CHD6: variants seen among roughly 807,000 people sequenced by gnomAD.
CHD6 encodes chromodomain helicase DNA binding protein 6, also known as ATP-dependent chromatin remodeler CHD6.
In CHD6, 50 loss-of-function variants were observed where a neutral mutation model predicts 276.9. The observed-to-expected ratio is 0.18, with a 90% CI of 0.14 to 0.23. The LOEUF is 0.23. Among genes scored for constraint, CHD6 ranks in the 10% least tolerant of loss-of-function variants. CHD6 has a pLI of 1.00. For missense variants in CHD6, 2,564 were observed against 3,365.8 expected, an observed-to-expected ratio of 0.76 and a Z score of 5.89; for synonymous variants, 1,173 against 1,229.3, an observed-to-expected ratio of 0.95 and a Z score of 0.96.
Position 41,455,913 on chromosome 20 carries a change from C to T in CHD6, c.2896G>A (p.Asp966Asn), listed in dbSNP as rs1445499453. The change falls in exon 19 of 37, where the codon GAT (aspartate) becomes AAT (asparagine). Residue 966 changes from aspartate (D) to asparagine (N), a missense_variant. This residue lies in a region of CHD6 where 457 missense variants were observed against 889.0 expected (regional missense o/e 0.51). Coordinates refer to ENST00000373233, the MANE Select transcript of CHD6 (RefSeq NM_032221.5). ...LRKGAYGALM[D>N]EEDEGSKFCE... ...AACTTGGAGCCTTCATCTTCTTCAT[C>T]CATTAAGGCTCCATAAGCACCTTTC... 6.2e-7 allele frequency: 1 copy of T among 1,611,750 alleles called. No homozygotes were observed. Among genetic ancestry groups the T allele is most frequent in the East Asian group, 2.2e-5 (1 of 44,822 alleles).
chr20:41,462,332 A>G (rs2042821291), intron 17 of CHD6, among the ~76,000 whole-genome samples: 1 of 152,246 alleles, frequency 6.6e-6, no homozygotes, highest in Non-Finnish European at 1.5e-5. Flanking sequence ...ACATTTTCAG[A>G]AAACCAATAC....
chr20:41,456,291 T>C (rs1376292814), intron 18 of CHD6, among the ~76,000 whole-genome samples: 1 of 152,026 alleles, frequency 6.6e-6, no homozygotes, highest in Non-Finnish European at 1.5e-5. Context: ...GATGGTACTT[T>C]TGACATCTTT....
rs1482329089 is a variant in CHD6 at position 41,493,447 on chromosome 20, C to T, written c.1314+91G>A. The T allele has an allele frequency of 2.3e-6, 3 of 1,319,056 alleles. No individual in the cohort carries two copies. In the African/African-American group the frequency reaches 4.4e-5, roughly 19 times the overall value. The allele number at this position is 1,319,056 out of a possible 1,614,324, so 81.7% of individuals were successfully genotyped here. On this transcript the variant is annotated intron_variant, in intron 10 of 36. Coordinates refer to ENST00000373233, the MANE Select transcript of CHD6 (RefSeq NM_032221.5). Reference sequence around the variant, plus strand: ...CAAAGGTAAAATACCACAGAAACCACCTAGGAACAAGCCAGGTGGACTTCC... The same window carrying T: ...CAAAGGTAAAATACCACAGAAACCATCTAGGAACAAGCCAGGTGGACTTCC...
At chr20:41,492,113 T>C (rs2043570277) in intron 10 of CHD6, among the ~76,000 whole-genome samples, 1 of 152,188 alleles carries the variant, frequency 6.6e-6, no homozygotes, top group African/African-American at 2.4e-5. Context: ...ATTAGCCTGG[T>C]GCTGTATTTA....
intron 8 of CHD6, among the ~76,000 whole-genome samples, chr20:41,496,537 C>G (rs1404561211): frequency 6.6e-6 from 1 of 152,124 alleles, no homozygotes; most frequent in Admixed American, 6.5e-5. Context: ...AAGCTCTATT[C>G]AAAACTAAGT....
At chr20:41,482,467 T>G (rs2043316772) in intron 16 of CHD6, 3 of 458,124 alleles carry the variant, frequency 6.5e-6, no homozygotes, top group Non-Finnish European at 1.3e-5. Flanking sequence ...GTACATGTAA[T>G]GTACAAGGGC....
At chr20:41,413,979 A>T (rs966644464) in intron 34 of CHD6, 1 of 152,634 alleles carries the variant, frequency 6.6e-6, no homozygotes, top group Non-Finnish European at 1.5e-5. Context: ...TATAACAATG[A>T]CCATGCTAAA....
At chr20:41,578,905 G>C (rs1365115334) in intron 1 of CHD6, among the ~76,000 whole-genome samples, 1 of 151,424 alleles carries the variant, frequency 6.6e-6, no homozygotes, top group Non-Finnish European at 1.5e-5. Context: ...CAAGGCAGGT[G>C]GATCACCTGA....
chr20:41,485,253 C>T (rs1218761531), intron 14 of CHD6, among the ~76,000 whole-genome samples: 1 of 152,148 alleles, frequency 6.6e-6, no homozygotes, highest in Non-Finnish European at 1.5e-5. Flanking sequence ...GATCTTTATG[C>T]AACTGACTGC....
rs534131032 is a variant in CHD6 at position 41,448,545 on chromosome 20, C to T, written c.3684-574G>A. ...GTATTTGCTGGGCAACTACTATATG[C>T]TCTGCATCATGCCGGGTGCTATAGG... On this transcript the variant is annotated intron_variant, in intron 23 of 36. Coordinates refer to ENST00000373233, the MANE Select transcript of CHD6 (RefSeq NM_032221.5). Among the ~76,000 whole-genome samples the T allele has an allele frequency of 5.9e-5, 9 of 152,316 alleles. No homozygotes were observed. The East Asian group carries it at 1.7e-3, about 29-fold the overall frequency.
At chr20:41,504,084 A>AC (rs2043912428) in intron 5 of CHD6, among the ~76,000 whole-genome samples, 1 of 145,928 alleles carries the variant, frequency 6.9e-6, no homozygotes, top group African/African-American at 2.6e-5. Flanking sequence ...TCTCAAAAAA[A>AC]AAAAAAAAAA....
chr20:41,448,860 T>C (rs1009809479), intron 23 of CHD6, among the ~76,000 whole-genome samples: 1 of 152,184 alleles, frequency 6.6e-6, no homozygotes, highest in South Asian at 2.1e-4. Context: ...TGGTATAACA[T>C]TTCTCATCTC....
intron 8 of CHD6, among the ~76,000 whole-genome samples, chr20:41,494,371 C>T (rs1042829422): frequency 2.0e-5 from 3 of 152,272 alleles, no homozygotes; most frequent in East Asian, 3.9e-4. Context: ...ATTTGCTGAT[C>T]TAGGTAGTAG....
rs547757923 is a variant in CHD6, at chr20:41,447,619, TAACAC to T, written c.3773+258_3773+262del. Among the ~76,000 whole-genome samples, 44 of 152,342 alleles carry T rather than the reference TAACAC, an allele frequency of 2.9e-4. No homozygotes were observed. In the East Asian group the frequency reaches 5.8e-3, roughly 20 times the overall value. On this transcript the variant is annotated intron_variant, in intron 24 of 36. Coordinates refer to ENST00000373233, the MANE Select transcript of CHD6 (RefSeq NM_032221.5). ...AATGACTGTTTTAAAAGAAAATTTA[TAACAC>T]TTTTGAGGGAAATAAAATGAACTAA...
chr20:41,453,450 T>C (rs2048300768), intron 20 of CHD6, among the ~76,000 whole-genome samples: 1 of 152,334 alleles, frequency 6.6e-6, no homozygotes, highest in African/African-American at 2.4e-5. Context: ...TCACTGACAA[T>C]ACCATCTCCA....
At chr20:41,504,236 C>T (rs1458584533) in intron 5 of CHD6, among the ~76,000 whole-genome samples, 1 of 151,618 alleles carries the variant, frequency 6.6e-6, no homozygotes, top group African/African-American at 2.4e-5. Context: ...TTCATAGTCA[C>T]TCCTCTTCTG....
chr20:41,434,407 G>T (rs893490121), intron 27 of CHD6, among the ~76,000 whole-genome samples: 3 of 152,176 alleles, frequency 2.0e-5, no homozygotes, highest in Admixed American at 2.0e-4. Context: ...ATCTCGCTCT[G>T]CTGCCCAGGC....
At chr20:41,550,002 T>C (rs1240360560) in intron 2 of CHD6, among the ~76,000 whole-genome samples, 1 of 152,238 alleles carries the variant, frequency 6.6e-6, no homozygotes, top group Non-Finnish European at 1.5e-5. Flanking sequence ...GGTTTTGCCA[T>C]GTTGGCCAGG....
chr20:41,555,057 G>A (rs1601136183), intron 1 of CHD6, among the ~76,000 whole-genome samples: 1 of 147,756 alleles, frequency 6.8e-6, no homozygotes, highest in East Asian at 2.1e-4. Flanking sequence ...CCGGGTGGGG[G>A]GCTGATTCCC....
Sources: allele counts gnomAD v4.1 joint callset (sites outside exome capture counted in the v4.1 genomes callset), GRCh38; gene constraint gnomAD v4.1.1; regional missense constraint gnomAD v4.1.1; transcripts MANE v1.5; gene names NCBI Gene and HGNC (gene_info 2026-07-23, HGNC 2026-07-21).